PCDHA2: variants seen among roughly 807,000 people sequenced by gnomAD.
PCDHA2 encodes the protein protocadherin alpha 2.
Under a neutral mutation model 66.0 loss-of-function variants are expected in PCDHA2, and 58 were observed. The observed-to-expected ratio is 0.88, with a 90% confidence interval of 0.71 to 1.09. The LOEUF is 1.09. Ranked by LOEUF, PCDHA2 falls within the 50% of genes least tolerant of loss-of-function variation. The pLI, the probability that PCDHA2 is intolerant of heterozygous loss-of-function variation, is 0.00. For synonymous variants in PCDHA2, 634 were observed against 554.0 expected, an observed-to-expected ratio of 1.14 and a Z score of -2.03; for missense variants, 1,267 against 1,242.3, an observed-to-expected ratio of 1.02 and a Z score of -0.30.
chr5:140,836,618 G>A (rs2150265827), intron 1 of PCDHA2: 4 of 1,613,598 alleles, frequency 2.5e-6, no homozygotes, highest in African/African-American at 2.7e-5. Flanking sequence ...CCAGCGCGGT[G>A]GGGAGCTGGT....
chr5:140,914,377 G>C (rs2076685968), intron 1 of PCDHA2, among the ~76,000 whole-genome samples: 1 of 152,090 alleles, frequency 6.6e-6, no homozygotes, highest in Non-Finnish European at 1.5e-5. Flanking sequence ...TATTTTATCT[G>C]TTATAAGTGT....
chr5:140,977,032 A>G (rs1488885995), intron 1 of PCDHA2, among the ~76,000 whole-genome samples: 3 of 152,212 alleles, frequency 2.0e-5, no homozygotes, highest in African/African-American at 7.2e-5. Flanking sequence ...TGAATCTAAG[A>G]AGGATGTTGT....
At chr5:140,915,710 C>T (rs2077269471) in intron 1 of PCDHA2, among the ~76,000 whole-genome samples, 1 of 151,918 alleles carries the variant, frequency 6.6e-6, no homozygotes, top group South Asian at 2.1e-4. Flanking sequence ...ACTCCTGTGG[C>T]CCCCACTTTG....
intron 1 of PCDHA2, chr5:140,851,511 T>C (rs2042080638): frequency 2.8e-5 from 25 of 901,700 alleles, no homozygotes; most frequent in Non-Finnish European, 3.2e-5. Flanking sequence ...ATATAAAATA[T>C]GTTTTAAAAT....
At chr5:140,805,078 CAAA>C in intron 1 of PCDHA2, 1 of 1,593,568 alleles carries the variant, frequency 6.3e-7, no homozygotes, top group African/African-American at 1.3e-5. Context: ...CTTCAATCTT[CAAA>C]TCCAGCTTGC....
chr5:140,822,433 G>A (rs1489857640), intron 1 of PCDHA2: 3 of 1,613,932 alleles, frequency 1.9e-6, no homozygotes, highest in Admixed American at 1.7e-5. Flanking sequence ...AGGAAAACCC[G>A]AACTAACAGG....
chr5:140,883,091 G>T, intron 1 of PCDHA2: 1 of 1,614,112 alleles, frequency 6.2e-7, no homozygotes, highest in Non-Finnish European at 8.5e-7. Context: ...TGGTACAAAT[G>T]GAGATATAGT....
intron 1 of PCDHA2, chr5:140,821,569 G>A (rs1767002777): frequency 5.6e-6 from 3 of 538,590 alleles, no homozygotes; most frequent in South Asian, 7.1e-5. Context: ...GCTGGACACC[G>A]GAAGGTTTTT....
chr5:140,798,138 C>T (rs1762299714), intron 1 of PCDHA2, among the ~76,000 whole-genome samples: 1 of 152,166 alleles, frequency 6.6e-6, no homozygotes, highest in Non-Finnish European at 1.5e-5. Context: ...TCCCAAAGTG[C>T]TGGGATTACA....
chr5:140,896,194 T>G (rs2065426928), intron 1 of PCDHA2, among the ~76,000 whole-genome samples: 2 of 152,244 alleles, frequency 1.3e-5, no homozygotes, highest in Middle Eastern at 3.2e-3. Flanking sequence ...AATAGTGCCA[T>G]GATGAACATA....
chr5:140,835,970 G>A, intron 1 of PCDHA2: 1 of 1,613,320 alleles, frequency 6.2e-7, no homozygotes, highest in Non-Finnish European at 8.5e-7. Flanking sequence ...AGGAGCTGGA[G>A]CTGTTGCAGT....
intron 1 of PCDHA2, chr5:140,823,264 C>A (rs1052475502): frequency 2.5e-6 from 4 of 1,612,792 alleles, no homozygotes; most frequent in Non-Finnish European, 2.5e-6. Context: ...GGTGGAGCGG[C>A]GGGTGGGCGA....
intron 1 of PCDHA2, among the ~76,000 whole-genome samples, chr5:140,945,974 A>C (rs887994156): frequency 6.6e-5 from 10 of 152,146 alleles, no homozygotes; most frequent in African/African-American, 2.2e-4. Flanking sequence ...AATAAAAGCA[A>C]AAATAGACTA....
chr5:140,852,883 G>T, intron 1 of PCDHA2: 1 of 933,168 alleles, frequency 1.1e-6, no homozygotes, highest in Non-Finnish European at 1.3e-6. Flanking sequence ...ATCATAAAAC[G>T]TATTTTTTTT....
intron 1 of PCDHA2, among the ~76,000 whole-genome samples, chr5:140,832,446 A>G (rs2150201698): frequency 1.3e-5 from 2 of 152,202 alleles, no homozygotes; most frequent in Non-Finnish European, 2.9e-5. Flanking sequence ...TAAGCGTGTA[A>G]TTAATATTGC....
intron 1 of PCDHA2, among the ~76,000 whole-genome samples, chr5:140,963,686 G>A (rs181667037): frequency 2.7e-4 from 41 of 152,226 alleles, no homozygotes; most frequent in Middle Eastern, 3.4e-3. Flanking sequence ...GTGTTTATCC[G>A]TGTTTGATAT....
chr5:140,937,785 G>T (rs962276976), intron 1 of PCDHA2, among the ~76,000 whole-genome samples: 2 of 150,438 alleles, frequency 1.3e-5, no homozygotes, highest in African/African-American at 4.9e-5. Flanking sequence ...GGTGGCGGGC[G>T]TATGTAGTCC....
rs150805116 is a variant in PCDHA2, at chr5:140,977,093, T to C, written c.2389-1856T>C. On this transcript the variant is annotated intron_variant, in intron 1 of 3. Coordinates refer to ENST00000526136, the MANE Select transcript of PCDHA2 (RefSeq NM_018905.3). ...GCAGCATGACAAATTAAATGTGTCA[T>C]TGGGGAAGTGAGATTGTATAATGAA... 6.6e-5 allele frequency among the ~76,000 whole-genome samples: 10 copies of C among 152,320 alleles called. No homozygotes were observed. The East Asian group carries it at 1.7e-3, about 26-fold the overall frequency.
At chr5:140,807,087 TG>T in intron 1 of PCDHA2, 1 of 1,343,050 alleles carries the variant, frequency 7.4e-7, no homozygotes, top group Non-Finnish European at 1.0e-6. Flanking sequence ...CTTTGGAGTC[TG>T]AAATATGGAG....
Sources: allele counts gnomAD v4.1 joint callset (sites outside exome capture counted in the v4.1 genomes callset), GRCh38; gene constraint gnomAD v4.1.1; transcripts MANE v1.5; gene names NCBI Gene and HGNC (gene_info 2026-07-23, HGNC 2026-07-21).